Variants in SPAG16 observed in about 807,000 individuals in gnomAD.
The protein encoded by SPAG16 is sperm-associated antigen 16 protein.
In SPAG16, 86 loss-of-function variants were observed where a neutral mutation model predicts 80.4. That is an observed-to-expected ratio of 1.07 (90% CI 0.90 to 1.28). The LOEUF (loss-of-function observed/expected upper bound fraction) is 1.28. SPAG16 is among the 50% of genes most tolerant of loss of function. The pLI, the probability that SPAG16 is intolerant of heterozygous loss-of-function variation, is 0.00. For synonymous variants in SPAG16, 294 were observed against 265.9 expected (o/e 1.11, Z -1.03); for missense variants, 870 against 765.3 (o/e 1.14, Z -1.61).
At chr2:214,089,498 CA>C (rs1294114612) in intron 13 of SPAG16, among the ~76,000 whole-genome samples, 5 of 151,972 alleles carry the variant, frequency 3.3e-5, no homozygotes, top group African/African-American at 1.2e-4. Context: ...CAGGTTTTCA[CA>C]ATACATGCTT....
chr2:214,220,763 G>A (rs1050917672), intron 15 of SPAG16, among the ~76,000 whole-genome samples: 1 of 152,012 alleles, frequency 6.6e-6, no homozygotes, highest in Non-Finnish European at 1.5e-5. Flanking sequence ...ATCTTGAAGG[G>A]GCTTTTTTAC....
intron 3 of SPAG16, among the ~76,000 whole-genome samples, chr2:213,306,832 G>T (rs2062960564): frequency 6.6e-6 from 1 of 152,208 alleles, no homozygotes; most frequent in Admixed American, 6.5e-5. Context: ...GGGGATGGGG[G>T]AGGTGTGGTG....
At chr2:214,390,341 TAAA>T (rs756833750) in intron 15 of SPAG16, among the ~76,000 whole-genome samples, 11,992 of 125,400 alleles carry the variant, frequency 0.096, 639 homozygotes, top group Middle Eastern at 0.15. Context: ...CTTTTTTTTT[TAAA>T]AAAAAAAAAA....
At chr2:214,021,797 G>A (rs1399270565) in intron 13 of SPAG16, among the ~76,000 whole-genome samples, 1 of 152,104 alleles carries the variant, frequency 6.6e-6, no homozygotes, top group East Asian at 1.9e-4. Context: ...ATCCTGTGTA[G>A]AGACTTACTG....
intron 12 of SPAG16, among the ~76,000 whole-genome samples, chr2:213,959,889 A>G (rs952084133): frequency 1.3e-4 from 20 of 152,128 alleles, no homozygotes; most frequent in African/African-American, 2.9e-4. Flanking sequence ...AGTGCTCTCC[A>G]AAAAAAGACA....
intron 13 of SPAG16, among the ~76,000 whole-genome samples, chr2:214,075,228 A>G (rs1023939841): frequency 1.3e-5 from 2 of 151,980 alleles, no homozygotes; most frequent in Admixed American, 6.6e-5. Flanking sequence ...TTGATAATTG[A>G]AAGTGTTTCT....
At chr2:214,308,574 A>G (rs1456887690) in intron 15 of SPAG16, among the ~76,000 whole-genome samples, 1 of 152,108 alleles carries the variant, frequency 6.6e-6, no homozygotes, top group African/African-American at 2.4e-5. Context: ...TTTGTAGGGC[A>G]GGTCTGGTGG....
chr2:213,986,350 A>G (rs1217082573), intron 12 of SPAG16, among the ~76,000 whole-genome samples: 1 of 152,012 alleles, frequency 6.6e-6, no homozygotes, highest in African/African-American at 2.4e-5. Flanking sequence ...TTTCTATGTC[A>G]TGTATTGTAT....
chr2:214,111,566 A>G (rs969966470), intron 14 of SPAG16, among the ~76,000 whole-genome samples: 7 of 152,188 alleles, frequency 4.6e-5, no homozygotes, highest in Non-Finnish European at 7.3e-5. Context: ...AGGTAGCGTG[A>G]TGCCTCCAGC....
At chr2:214,010,165 G>T (rs75630935) in intron 12 of SPAG16, among the ~76,000 whole-genome samples, 2 of 145,904 alleles carry the variant, frequency 1.4e-5, no homozygotes, top group African/African-American at 2.7e-5. Context: ...GACTGAAAAA[G>T]ATCAGGAAAC....
At chr2:214,106,791 C>T (rs1357258658) in intron 13 of SPAG16, among the ~76,000 whole-genome samples, 1 of 152,136 alleles carries the variant, frequency 6.6e-6, no homozygotes, top group Non-Finnish European at 1.5e-5. Context: ...TGAATCTACT[C>T]TTCTGACTGA....
At chr2:213,807,586 G>A (rs2125657208) in intron 10 of SPAG16, among the ~76,000 whole-genome samples, 1 of 152,276 alleles carries the variant, frequency 6.6e-6, no homozygotes, top group Non-Finnish European at 1.5e-5. Context: ...TGTCGAAAAT[G>A]TGCTAAAGTA....
At chr2:213,812,662 G>A (rs953090452) in intron 10 of SPAG16, among the ~76,000 whole-genome samples, 1 of 152,084 alleles carries the variant, frequency 6.6e-6, no homozygotes, top group Non-Finnish European at 1.5e-5. Flanking sequence ...CTGGTATCTG[G>A]AACATTTGGT....
At chr2:214,120,614 A>G (rs908533161) in intron 14 of SPAG16, among the ~76,000 whole-genome samples, 3 of 151,924 alleles carry the variant, frequency 2.0e-5, no homozygotes, top group Non-Finnish European at 3.0e-5. Context: ...GTTGTACCCA[A>G]TGAGTAATTT....
At chr2:214,033,658 G>A (rs574047506) in intron 13 of SPAG16, among the ~76,000 whole-genome samples, 1 of 149,254 alleles carries the variant, frequency 6.7e-6, no homozygotes, top group South Asian at 2.1e-4. Context: ...ACTTCACCCA[G>A]ATTTCCCAAG....
intron 10 of SPAG16, among the ~76,000 whole-genome samples, chr2:213,710,355 A>G (rs1399110315): frequency 6.6e-6 from 1 of 152,136 alleles, no homozygotes; most frequent in Non-Finnish European, 1.5e-5. Context: ...CATGTAATTC[A>G]TAAACAATTA....
chr2:214,075,847 T>C (rs1259759924), intron 13 of SPAG16, among the ~76,000 whole-genome samples: 2 of 152,182 alleles, frequency 1.3e-5, no homozygotes, highest in East Asian at 3.9e-4. Context: ...GATGAACAGA[T>C]TGTAAATTCA....
rs116180105 is a variant in SPAG16, at chr2:214,351,891, C to G, written c.1721-58249C>G. 7.1e-3 allele frequency among the ~76,000 whole-genome samples: 1,079 copies of G among 152,108 alleles called. 9 individuals are homozygous for G. The highest frequency in any genetic ancestry group is 0.025 in the African/African-American group (1,040 of 41,490). On this transcript the variant is annotated intron_variant, in intron 15 of 15. Transcript: ENST00000331683. Reference sequence around the variant, plus strand: ...CTGTGAGTCTCTTAGTCTGTTTGGTCTGCTATAACAAAATACCATACACTG... The same window carrying G: ...CTGTGAGTCTCTTAGTCTGTTTGGTGTGCTATAACAAAATACCATACACTG...
At chr2:213,385,792 C>CCACACACA (rs55899353) in intron 9 of SPAG16, among the ~76,000 whole-genome samples, 2,120 of 149,394 alleles carry the variant, frequency 0.014, 31 homozygotes, top group South Asian at 0.043. Context: ...TCATCTCTGT[C>CCACACACA]CACACACACA....
Sources: allele counts gnomAD v4.1 joint callset (sites outside exome capture counted in the v4.1 genomes callset), GRCh38; gene constraint gnomAD v4.1.1; transcripts MANE v1.5; gene names NCBI Gene and HGNC (gene_info 2026-07-23, HGNC 2026-07-21).